The following GALNT7 variants were observed in gnomAD, a reference collection of about 807,000 sequenced individuals.
GALNT7 encodes N-acetylgalactosaminyltransferase 7.
GALNT7 carries 60 observed loss-of-function variants against 82.1 expected under a neutral mutation model. That is an observed-to-expected ratio of 0.73 (90% CI 0.59 to 0.91). The LOEUF (loss-of-function observed/expected upper bound fraction) is 0.91. Among genes scored for constraint, GALNT7 ranks in the 40% least tolerant of loss-of-function variants. The pLI is 0.00. For missense variants in GALNT7, 660 were observed against 804.2 expected (o/e 0.82, Z 2.17); for synonymous variants, 243 against 275.1 (o/e 0.88, Z 1.15).
intron 1 of GALNT7, among the ~76,000 whole-genome samples, chr4:173,178,052 T>TGTGCGCGCGCGCGCGCGC (rs563102408): frequency 2.3e-5 from 3 of 129,510 alleles, no homozygotes; most frequent in African/African-American, 9.2e-5. Flanking sequence ...TGTGTGTGTG[T>TGTGCGCGCGCGCGCGCGC]GCGCGCACGC....
At chr4:173,230,806 T>G (rs901058686) in intron 1 of GALNT7, among the ~76,000 whole-genome samples, 3 of 152,164 alleles carry the variant, frequency 2.0e-5, no homozygotes, top group African/African-American at 4.8e-5. Flanking sequence ...TTATATATAA[T>G]ATAGTTAGCA....
intron 8 of GALNT7, among the ~76,000 whole-genome samples, chr4:173,311,011 A>G (rs1170716871): frequency 1.3e-5 from 2 of 152,318 alleles, no homozygotes; most frequent in Admixed American, 6.5e-5. Flanking sequence ...CGCCCAGCCT[A>G]TATCCTCATC....
At chr4:173,303,895 T>C in intron 7 of GALNT7, 101 bp from the exon 8 acceptor site, 1 of 976,772 alleles carries the variant, frequency 1.0e-6, no homozygotes, top group South Asian at 1.6e-5. Context: ...GTGGACACTG[T>C]ATATAATTTA....
intron 7 of GALNT7, among the ~76,000 whole-genome samples, chr4:173,303,556 C>T (rs571864594): frequency 1.3e-5 from 2 of 152,314 alleles, no homozygotes; most frequent in South Asian, 4.1e-4. Flanking sequence ...CCCAAAGCTG[C>T]CCTTCACCTA....
At chr4:173,297,471 G>A (rs1481598935) in intron 5 of GALNT7, among the ~76,000 whole-genome samples, 3 of 152,132 alleles carry the variant, frequency 2.0e-5, no homozygotes, top group Admixed American at 6.6e-5. Flanking sequence ...TAACAGGCAA[G>A]AAAATCTTAT....
chr4:173,309,848 T>C (rs1017885424), intron 8 of GALNT7, among the ~76,000 whole-genome samples: 4 of 152,164 alleles, frequency 2.6e-5, no homozygotes, highest in African/African-American at 7.2e-5. Flanking sequence ...CCAGGCATGA[T>C]TGACATTGCA....
At position 173,248,346 on chromosome 4, in the gene GALNT7, G is replaced by T. The variant is rs1734735345; in HGVS notation, c.493G>T (p.Ala165Ser). The change falls in exon 2 of 12, where the codon GCA (alanine) becomes TCA (serine). Residue 165 changes from alanine to serine, a missense_variant. Coordinates refer to ENST00000265000, the MANE Select transcript of GALNT7 (RefSeq NM_017423.3). ...PLVLGPEFKQ[A>S]IQASIKEFGF... is the part of the protein sequence containing the mutation. The stretch of plus-strand genomic sequence containing the variant: ...GGTTTTGGGACCAGAATTCAAACAA[G>T]CAATTCAAGCCAGCATTAAAGAGTT... 6.2e-7 allele frequency: 1 copy of T among 1,613,826 alleles called. No individual in the cohort carries two copies.
At chr4:173,198,893 A>G (rs1173951808) in intron 1 of GALNT7, among the ~76,000 whole-genome samples, 1 of 152,184 alleles carries the variant, frequency 6.6e-6, no homozygotes, top group Non-Finnish European at 1.5e-5. Context: ...ATTTCAGATC[A>G]GATGGTCATA....
chr4:173,318,669 C>CA, intron 11 of GALNT7, 110 bp downstream of exon 11: 1 of 719,408 alleles, frequency 1.4e-6, no homozygotes, highest in Non-Finnish European at 2.3e-6. Context: ...AATTCACTTG[C>CA]ATTTTCCTCT....
intron 2 of GALNT7, among the ~76,000 whole-genome samples, chr4:173,286,085 T>C (rs1009197178): frequency 2.6e-5 from 4 of 152,144 alleles, no homozygotes; most frequent in Non-Finnish European, 4.4e-5. Flanking sequence ...TAAAGGCCTT[T>C]TACATATACC....
At chr4:173,300,438 G>C (rs1286032442) in intron 6 of GALNT7, among the ~76,000 whole-genome samples, 1 of 152,186 alleles carries the variant, frequency 6.6e-6, no homozygotes, top group African/African-American at 2.4e-5. Context: ...ACCTAATCCA[G>C]CTTGGGAGAT....
At chr4:173,202,190 A>G (rs140588445) in intron 1 of GALNT7, among the ~76,000 whole-genome samples, 1 of 152,224 alleles carries the variant, frequency 6.6e-6, no homozygotes, top group Non-Finnish European at 1.5e-5. Context: ...AGAATCAAAC[A>G]GTATTTAAAG....
At chr4:173,268,534 T>TTG (rs1199248561) in intron 2 of GALNT7, among the ~76,000 whole-genome samples, 1 of 95,158 alleles carries the variant, frequency 1.1e-5, no homozygotes, top group Non-Finnish European at 2.0e-5. Context: ...TCTCTCGTTT[T>TTG]TTTTTTTTTT....
chr4:173,210,141 G>GA (rs544871663), intron 1 of GALNT7, among the ~76,000 whole-genome samples: 4,228 of 127,924 alleles, frequency 0.033, 98 homozygotes, highest in African/African-American at 0.071. Context: ...CTCAAAAAAA[G>GA]AAAAAAAAAA....
intron 2 of GALNT7, among the ~76,000 whole-genome samples, chr4:173,259,220 A>G (rs1222220338): frequency 6.6e-6 from 1 of 152,166 alleles, no homozygotes; most frequent in African/African-American, 2.4e-5. Context: ...GATTTATAGG[A>G]TTAAGGGGAA....
At chr4:173,197,707 A>G (rs903616605) in intron 1 of GALNT7, among the ~76,000 whole-genome samples, 1 of 152,198 alleles carries the variant, frequency 6.6e-6, no homozygotes, top group Admixed American at 6.5e-5. Flanking sequence ...GCCACATCTC[A>G]CTCAGGGTCA....
intron 6 of GALNT7, among the ~76,000 whole-genome samples, chr4:173,301,579 T>C (rs1178310101): frequency 1.3e-5 from 2 of 152,220 alleles, no homozygotes; most frequent in Non-Finnish European, 2.9e-5. Flanking sequence ...TACACTGTTA[T>C]TTGGCGAGCC....
chr4:173,313,715 T>A (rs559161029), intron 8 of GALNT7, among the ~76,000 whole-genome samples: 1 of 152,264 alleles, frequency 6.6e-6, no homozygotes, highest in South Asian at 2.1e-4. Flanking sequence ...GCATATATGA[T>A]CTTCCAGCTC....
intron 2 of GALNT7, among the ~76,000 whole-genome samples, chr4:173,257,848 G>C (rs950679197): frequency 3.9e-5 from 6 of 152,204 alleles, no homozygotes; most frequent in Non-Finnish European, 8.8e-5. Flanking sequence ...ACATTCTTAA[G>C]ACCCTGGAGA....
Sources: allele counts gnomAD v4.1 joint callset (sites outside exome capture counted in the v4.1 genomes callset), GRCh38; gene constraint gnomAD v4.1.1; transcripts MANE v1.5; gene names NCBI Gene and HGNC (gene_info 2026-07-23, HGNC 2026-07-21).